BIVM: variants seen among roughly 807,000 people sequenced by gnomAD.
BIVM encodes basic immunoglobulin-like variable motif-containing protein.
BIVM carries 31 observed loss-of-function variants against 61.4 expected under a neutral mutation model. The ratio of observed to expected loss-of-function variants is 0.51; its 90% CI spans 0.38 to 0.68. The LOEUF is 0.68. Ranked by LOEUF, BIVM falls within the 30% of genes least tolerant of loss-of-function variation. The probability of loss-of-function intolerance (pLI) is 0.00; values close to 1 mark genes in which losing one functional copy is unlikely to be tolerated. For missense variants in BIVM, 526 were observed against 596.0 expected (o/e 0.88, Z 1.22); for synonymous variants, 189 against 210.7 (o/e 0.90, Z 0.89).
chr13:102,833,521 C>T (rs1881267134), intron 8 of BIVM, among the ~76,000 whole-genome samples: 1 of 151,786 alleles, frequency 6.6e-6, no homozygotes. Context: ...CAGGGTTTCA[C>T]CATGTTACCC....
At chr13:102,800,066 G>A (rs1469483220) in intron 1 of BIVM, among the ~76,000 whole-genome samples, 2 of 152,228 alleles carry the variant, frequency 1.3e-5, no homozygotes, top group East Asian at 3.9e-4. Context: ...CTTGCCAGCT[G>A]CCCCGAAAAC....
chr13:102,837,766 C>A (rs181965589), intron 9 of BIVM, among the ~76,000 whole-genome samples: 1 of 152,144 alleles, frequency 6.6e-6, no homozygotes, highest in East Asian at 1.9e-4. Flanking sequence ...TGGGTGGAGC[C>A]GGAGGCCGTT....
At chr13:102,812,952 T>G (rs951901404) in intron 3 of BIVM, among the ~76,000 whole-genome samples, 1 of 152,226 alleles carries the variant, frequency 6.6e-6, no homozygotes, top group Non-Finnish European at 1.5e-5. Flanking sequence ...TCCCACAAAC[T>G]GCCTGAAGCT....
chr13:102,840,791 A>C lies in BIVM; in HGVS notation c.*926A>C, dbSNP rs1448866995. On this transcript the variant is annotated 3_prime_UTR_variant, in exon 11 of 11. Transcript: ENST00000257336. Reference sequence around the variant, plus strand: ...TTCTTGATGTGGTTTGTAATAATCAAATATTGACAAGAACCTTAGGTCTCG... The same window carrying C: ...TTCTTGATGTGGTTTGTAATAATCACATATTGACAAGAACCTTAGGTCTCG... The C allele has an allele frequency of 6.6e-6, 1 of 152,156 alleles. No individual in the cohort carries two copies. The highest frequency in any genetic ancestry group is 1.9e-4 in the East Asian group (1 of 5,200). The allele number at this position is 152,156 out of a possible 1,614,324, so 9.4% of individuals were successfully genotyped here. A position where few individuals can be genotyped will look rare whatever the true frequency, so the allele number is the denominator to read the frequency against.
chr13:102,807,066 A>G lies in BIVM; in HGVS notation c.-122-80A>G, dbSNP rs946680815. 1 of 518,608 alleles carries G rather than the reference A, an allele frequency of 1.9e-6. No homozygotes were observed. Among genetic ancestry groups the G allele is most frequent in the Non-Finnish European group, 3.4e-6 (1 of 297,252 alleles). The allele number at this position is 518,608 out of a possible 1,614,324, so 32.1% of individuals were successfully genotyped here. A position where few individuals can be genotyped will look rare whatever the true frequency, so the allele number is the denominator to read the frequency against. On this transcript the variant is annotated intron_variant, in intron 2 of 10. Transcript: ENST00000257336. The surrounding 1 kb of genome is among the most constrained non-coding windows in gnomAD (Gnocchi z 4.0). ...ATTAATATAGAATGAAGGCATATGTATGCATAAAACTTGCTATGCTTTTTA... is the reference window on the plus strand; with the variant it reads ...ATTAATATAGAATGAAGGCATATGTGTGCATAAAACTTGCTATGCTTTTTA...
rs762279594 is a variant in BIVM, at chr13:102,821,096, G to A, written c.665G>A (p.Cys222Tyr). 1.2e-6 allele frequency: 2 copies of A among 1,613,446 alleles called. No homozygotes were observed. The highest frequency in any genetic ancestry group is 1.7e-6 in the Non-Finnish European group (2 of 1,179,862). The change falls in exon 5 of 11, where the codon TGT becomes TAT. Residue 222 changes from cysteine to tyrosine, a missense_variant. Physicochemically the swap from Cys to Tyr is radical, Grantham distance 194. Around this residue, in one of 3 missense-constraint regions of BIVM, gnomAD observed 312 missense variants for 343.8 expected, o/e 0.91. Transcript: ENST00000257336. ...TGTGGCATCTCTTCATTAATTTCTT[G>A]TTGGAATTTCTTATACAGCACAATG... ...TSCGISSLIS[C>Y]WNFLYSTMGA... is the part of the protein sequence containing the mutation.
intron 1 of BIVM, among the ~76,000 whole-genome samples, chr13:102,801,291 A>G (rs11838653): frequency 0.013 from 1,958 of 149,562 alleles, 40 homozygotes; most frequent in African/African-American, 0.046. Flanking sequence ...CTGATCGCCC[A>G]GGCTGGAGTG....
Position 102,807,863 on chromosome 13 carries a change from T to C in BIVM, c.478+118T>C. ...TATAATACTAGATAAGGAACATGGC[T>C]ATCATCTTGTCTGTCAATGTAGTTT... On this transcript the variant is annotated intron_variant, in intron 3 of 10. Coordinates refer to ENST00000257336, the MANE Select transcript of BIVM (RefSeq NM_017693.4). This position sits in a 1 kb window ranked among gnomAD's most constrained non-coding sequence, Gnocchi z 4.0. The C allele has an allele frequency of 8.9e-7, 1 of 1,124,510 alleles. No individual in the cohort carries two copies. Among genetic ancestry groups the C allele is most frequent in the Non-Finnish European group, 1.2e-6 (1 of 813,312 alleles). The allele number at this position is 1,124,510 out of a possible 1,614,324, so 69.7% of individuals were successfully genotyped here.
At chr13:102,820,758 T>A in intron 4 of BIVM, 1 of 323,326 alleles carries the variant, frequency 3.1e-6, no homozygotes, top group Non-Finnish European at 5.6e-6. Flanking sequence ...ACACCAAACT[T>A]TTAATAGGCG....
intron 7 of BIVM, among the ~76,000 whole-genome samples, chr13:102,826,914 C>T (rs1880710914): frequency 6.6e-6 from 1 of 151,908 alleles, no homozygotes; most frequent in Admixed American, 6.6e-5. Flanking sequence ...CTCTGGGTAT[C>T]GAGGAAACAT....
At chr13:102,821,241 C>G in intron 5 of BIVM, 109 bp downstream of exon 5, 1 of 932,108 alleles carries the variant, frequency 1.1e-6, no homozygotes, top group Non-Finnish European at 1.6e-6. Context: ...TTAACAAAAC[C>G]CTGCTGTATT....
chr13:102,811,751 G>A (rs977156208), intron 3 of BIVM, among the ~76,000 whole-genome samples: 10 of 152,336 alleles, frequency 6.6e-5, no homozygotes, highest in Non-Finnish European at 1.5e-4. Flanking sequence ...TTGAACTCCT[G>A]ACCTCAGGTC....
chr13:102,824,776 G>C (rs944637870), intron 7 of BIVM, among the ~76,000 whole-genome samples: 1 of 151,802 alleles, frequency 6.6e-6, no homozygotes, highest in South Asian at 2.1e-4. Context: ...TTATTTTTTA[G>C]AGATGAGGGT....
At chr13:102,821,585 GA>G (rs1369742249) in intron 5 of BIVM, among the ~76,000 whole-genome samples, 157 bp from the exon 6 acceptor site, 8 of 152,140 alleles carry the variant, frequency 5.3e-5, no homozygotes, top group African/African-American at 1.7e-4. Flanking sequence ...CTGGGCCACA[GA>G]GTGAGAACCT....
At chr13:102,801,173 A>G (rs1241129702) in intron 1 of BIVM, among the ~76,000 whole-genome samples, 5 of 151,766 alleles carry the variant, frequency 3.3e-5, no homozygotes, top group African/African-American at 9.7e-5. Flanking sequence ...CCATATTTCT[A>G]TTGCTTATGA....
chr13:102,813,606 T>A lies in BIVM; in HGVS notation c.479-2822T>A, dbSNP rs189695190. Among the ~76,000 whole-genome samples the A allele has an allele frequency of 1.8e-4, 28 of 152,270 alleles. No homozygotes were observed. The East Asian group carries it at 2.9e-3, about 16-fold the overall frequency. On this transcript the variant is annotated intron_variant, in intron 3 of 10. Transcript: ENST00000257336. ...CCTTATCTTTTTTCTTGAGAATGAG[T>A]CATATTTTTCACTTTCCTTATATGT...
Position 102,816,251 on chromosome 13 carries a change from T to G in BIVM, c.479-177T>G, listed in dbSNP as rs111633300. 6.1e-3 allele frequency among the ~76,000 whole-genome samples: 930 copies of G among 152,350 alleles called. 14 individuals are homozygous for G. The highest frequency in any genetic ancestry group is 0.021 in the African/African-American group (881 of 41,590). On this transcript the variant is annotated intron_variant, in intron 3 of 10. Coordinates refer to ENST00000257336, the MANE Select transcript of BIVM (RefSeq NM_017693.4). ...AATACATGTATTACTTCATTGTGTT[T>G]GCAAATATCACTTTTAGAACCTGTG...
Position 102,807,914 on chromosome 13 carries a change from A to G in BIVM, c.478+169A>G, listed in dbSNP as rs921619800. 6.6e-6 allele frequency among the ~76,000 whole-genome samples: 1 copy of G among 151,988 alleles called. No individual in the cohort carries two copies. The highest frequency in any genetic ancestry group is 2.4e-5 in the African/African-American group (1 of 41,408). ...TAGGAAAGTAACCTTGACGTAGGGCATGTAGTTCATTGCGGGGCTTCCACT... is the reference window on the plus strand; with the variant it reads ...TAGGAAAGTAACCTTGACGTAGGGCGTGTAGTTCATTGCGGGGCTTCCACT... On this transcript the variant is annotated intron_variant, in intron 3 of 10. Coordinates refer to ENST00000257336, the MANE Select transcript of BIVM (RefSeq NM_017693.4). The surrounding 1 kb of genome is among the most constrained non-coding windows in gnomAD (Gnocchi z 4.0).
intron 1 of BIVM, among the ~76,000 whole-genome samples, chr13:102,802,053 T>C (rs1255236601): frequency 6.6e-6 from 1 of 152,242 alleles, no homozygotes; most frequent in Non-Finnish European, 1.5e-5. Flanking sequence ...GCAGAGGCTT[T>C]CAGGCAGAGG....
Sources: allele counts gnomAD v4.1 joint callset (sites outside exome capture counted in the v4.1 genomes callset), GRCh38; gene constraint gnomAD v4.1.1; regional missense constraint gnomAD v4.1.1; non-coding constraint Gnocchi (gnomAD v3.1); transcripts MANE v1.5; gene names NCBI Gene and HGNC (gene_info 2026-07-23, HGNC 2026-07-21).